The following BCOR variants were observed in gnomAD, a reference collection of about 807,000 sequenced individuals.
BCOR encodes BCL-6 corepressor.
Under a neutral mutation model 86.7 loss-of-function variants are expected in BCOR, and 10 were observed. That is an observed-to-expected ratio of 0.12 (90% CI 0.07 to 0.20). BCOR has a LOEUF of 0.20. Ranked by LOEUF, BCOR falls within the 10% of genes least tolerant of loss-of-function variation. The pLI is 1.00. For missense variants in BCOR, 1,259 were observed against 1,452.1 expected (o/e 0.87, Z 2.16); for synonymous variants, 611 against 609.0 (o/e 1.00, Z -0.05).
intron 1 of BCOR, among the ~76,000 whole-genome samples, chrX:40,141,163 T>A (rs1284170936): frequency 9.0e-6 from 1 of 111,150 alleles, no homozygotes; most frequent in African/African-American, 3.3e-5. Context: ...TGTGCCCAGG[T>A]TTTTGGGGGG....
At chrX:40,135,065 T>G (rs1268420486) in intron 1 of BCOR, among the ~76,000 whole-genome samples, 1 of 111,330 alleles carries the variant, frequency 9.0e-6, no homozygotes, top group Non-Finnish European at 1.9e-5. Flanking sequence ...CCCCCCACAT[T>G]ATTCAAGGAC....
chrX:40,111,710 A>C (rs1388799667), intron 1 of BCOR, among the ~76,000 whole-genome samples: 1 of 112,095 alleles, frequency 8.9e-6, no homozygotes, highest in Non-Finnish European at 1.9e-5. Flanking sequence ...ATATAGACAC[A>C]TATTTGTGTG....
chrX:40,082,804 G>T (rs1382871072), intron 1 of BCOR, among the ~76,000 whole-genome samples: 1 of 111,726 alleles, frequency 9.0e-6, no homozygotes, highest in African/African-American at 3.3e-5. Context: ...CGCTGGCCAC[G>T]TTTAACCCCG....
intron 1 of BCOR, among the ~76,000 whole-genome samples, chrX:40,166,204 G>A (rs367662807): frequency 3.1e-4 from 35 of 111,718 alleles, no homozygotes; most frequent in Non-Finnish European, 5.5e-4. Context: ...GTCCCGGGCC[G>A]GGCCTGCAAA....
chrX:40,099,290 A>G (rs2147773334), upstream of BCOR, among the ~76,000 whole-genome samples: 2 of 112,081 alleles, frequency 1.8e-5, no homozygotes, highest in African/African-American at 6.5e-5. Context: ...CAAAGCCTCA[A>G]GGGCGAGCCG....
intron 1 of BCOR, among the ~76,000 whole-genome samples, chrX:40,143,002 C>T (rs1937955623): frequency 8.9e-6 from 1 of 112,186 alleles, no homozygotes; most frequent in Admixed American, 9.4e-5. Context: ...GGACCCCTCT[C>T]GGGTTGAGCA....
intron 1 of BCOR, among the ~76,000 whole-genome samples, chrX:40,116,998 G>GGGAC (rs202187577): frequency 0.036 from 4,033 of 112,073 alleles, 66 homozygotes; most frequent in Middle Eastern, 0.097. Flanking sequence ...TGGCTGCACC[G>GGGAC]GGACCCCTGC....
intron 1 of BCOR, among the ~76,000 whole-genome samples, chrX:40,166,035 G>C (rs992354017): frequency 1.8e-5 from 2 of 111,945 alleles, no homozygotes; most frequent in African/African-American, 6.5e-5. Context: ...TTTTGATGTA[G>C]GCATTCTCAT....
chrX:40,064,044 T>C, intron 7 of BCOR, 92 bp from the exon 8 acceptor site: 3 of 387,729 alleles, frequency 7.7e-6, no homozygotes, highest in Non-Finnish European at 1.3e-5. Flanking sequence ...GGAGGGGGGG[T>C]GTGGTCACTG....
chrX:40,064,642 T>G, intron 6 of BCOR, 43 bp from the exon 7 acceptor site: 31 of 1,203,669 alleles, frequency 2.6e-5, no homozygotes, highest in Non-Finnish European at 3.5e-5. Context: ...AGCCCGAAGG[T>G]CGCCATGAGA....
At chrX:40,072,210 T>C (rs760897404) in intron 4 of BCOR, 139 bp downstream of exon 4, 93 of 616,977 alleles carry the variant, frequency 1.5e-4, no homozygotes, top group South Asian at 9.2e-4. Context: ...ACTGGCCACA[T>C]TGCATATATT....
intron 1 of BCOR, among the ~76,000 whole-genome samples, chrX:40,092,907 TCTCA>T (rs776685029): frequency 2.7e-5 from 3 of 112,486 alleles, no homozygotes; most frequent in Non-Finnish European, 5.6e-5. Context: ...CCCAAGTCGG[TCTCA>T]CTCACTCGGC....
chrX:40,115,204 C>T (rs1373023952), intron 1 of BCOR, among the ~76,000 whole-genome samples: 1 of 111,048 alleles, frequency 9.0e-6, no homozygotes, highest in Non-Finnish European at 1.9e-5. Flanking sequence ...GACTCCAAAC[C>T]TAGGCTCTTT....
chrX:40,131,889 C>T (rs896620202), intron 1 of BCOR, among the ~76,000 whole-genome samples: 1 of 111,487 alleles, frequency 9.0e-6, no homozygotes, highest in African/African-American at 3.3e-5. Context: ...TAAACACGCC[C>T]GCTAGTTATT....
Position 40,072,482 on chromosome X carries a change from A to T in BCOR, c.2864T>A (p.Leu955Gln). Residue 955 changes from leucine to glutamine, a missense_variant, in exon 4 of 15, where the codon CTG becomes CAG. By Grantham distance (113) the Leu-to-Gln change is moderately radical (BLOSUM62 -2). Transcript: ENST00000378444. ...DEAESNDGKV[L>Q]KPKPSKLAKR... The stretch of plus-strand genomic sequence containing the variant: ...TGCCAGCTTAGATGGCTTCGGTTTC[A>T]GAACTTTGCCATCATTTGATTCAGC... The T allele has an allele frequency of 8.3e-7, 1 of 1,212,056 alleles. No homozygotes were observed. Among genetic ancestry groups the T allele is most frequent in the Non-Finnish European group, 1.1e-6 (1 of 895,566 alleles).
chrX:40,090,510 C>G lies in BCOR; in HGVS notation c.-41+6705G>C, dbSNP rs183137773. On this transcript the variant is annotated intron_variant, in intron 1 of 14. Transcript: ENST00000378444. The stretch of plus-strand genomic sequence containing the variant: ...ACCCCTCCGGGGAGGCGATTCCCCC[C>G]AAGTCCCGGGCACCGCTAGACGGCG... Among the ~76,000 whole-genome samples, 451 of 112,708 alleles carry G rather than the reference C, an allele frequency of 4.0e-3. 1 individual carries two copies. The highest frequency in any genetic ancestry group is 0.014 in the African/African-American group (429 of 31,140).
chrX:40,150,704 T>G (rs1273576217), intron 1 of BCOR, among the ~76,000 whole-genome samples: 1 of 111,599 alleles, frequency 9.0e-6, no homozygotes, highest in African/African-American at 3.3e-5. Context: ...TCCTGGGAGT[T>G]TGCCTATGTG....
At chrX:40,075,463 G>A (rs955287902) in intron 3 of BCOR, among the ~76,000 whole-genome samples, 6 of 111,915 alleles carry the variant, frequency 5.4e-5, no homozygotes, top group African/African-American at 2.0e-4. Context: ...CATCTATTAA[G>A]TCTGAAGATT....
Position 40,054,402 on chromosome X carries a change from C to T in BCOR, c.4742-69G>A, listed in dbSNP as rs112054628. Reference sequence around the variant, plus strand: ...TGAGAACAAAATGATGGCAGAGCCACGTGGCATTTTTTCCTATACATTCAT... The same window carrying T: ...TGAGAACAAAATGATGGCAGAGCCATGTGGCATTTTTTCCTATACATTCAT... On this transcript the variant is annotated intron_variant, in intron 12 of 14. Coordinates refer to ENST00000378444, the MANE Select transcript of BCOR (RefSeq NM_001123385.2). 87,315 of 913,008 alleles carry T rather than the reference C, an allele frequency of 0.096. 3,151 individuals carry two copies. The highest frequency in any genetic ancestry group is 0.11 in the East Asian group (3,415 of 30,601). 75.2% of individuals were successfully genotyped at this position (913,008 alleles called of 1,213,427 possible). A position where few individuals can be genotyped will look rare whatever the true frequency, so the allele number is the denominator to read the frequency against.
Sources: allele counts gnomAD v4.1 joint callset (sites outside exome capture counted in the v4.1 genomes callset), GRCh38; gene constraint gnomAD v4.1.1; transcripts MANE v1.5; gene names NCBI Gene and HGNC (gene_info 2026-07-23, HGNC 2026-07-21).